PITPNM2: variants seen among roughly 807,000 people sequenced by gnomAD.
PITPNM2 encodes membrane-associated phosphatidylinositol transfer protein 2.
A neutral mutation model predicts 132.2 loss-of-function variants in PITPNM2; 35 were observed. The observed-to-expected ratio is 0.26, with a 90% CI of 0.20 to 0.35. The LOEUF (loss-of-function observed/expected upper bound fraction) is 0.35. PITPNM2 is among the 10% of genes least tolerant of loss of function. The pLI is 1.00. For synonymous variants in PITPNM2, 738 were observed against 799.2 expected (o/e 0.92, Z 1.29); for missense variants, 1,332 against 1,912.0 (o/e 0.70, Z 5.66).
intron 2 of PITPNM2, among the ~76,000 whole-genome samples, chr12:123,040,910 G>T: frequency 6.6e-6 from 1 of 152,152 alleles, no homozygotes; most frequent in East Asian, 1.9e-4. Flanking sequence ...TGGAATAAAC[G>T]TTGACTGAAT....
At chr12:123,079,689 A>G (rs1185939437) in intron 2 of PITPNM2, among the ~76,000 whole-genome samples, 1 of 152,194 alleles carries the variant, frequency 6.6e-6, no homozygotes, top group Non-Finnish European at 1.5e-5. Context: ...AGCATATGGC[A>G]AAGTTGAAAA....
intron 1 of PITPNM2, among the ~76,000 whole-genome samples, chr12:123,140,912 A>G (rs2043492828): frequency 6.6e-6 from 1 of 152,068 alleles, no homozygotes; most frequent in Non-Finnish European, 1.5e-5. Context: ...AGGAAAAGCT[A>G]CAGAACAAAC....
At chr12:123,032,786 C>CCT (rs2040138605) in intron 3 of PITPNM2, among the ~76,000 whole-genome samples, 1 of 152,196 alleles carries the variant, frequency 6.6e-6, no homozygotes, top group Admixed American at 6.5e-5. Context: ...TAAGCTGCTT[C>CCT]CTCTCTCTCC....
rs1481867414 is a variant in PITPNM2 at position 122,992,464 on chromosome 12, T to TC, written c.2404+34dup. ...CCAGGGAGCCACGCTTACCCCACCT[T>TC]CCCCCAGAGGAGTGGGGCGGAATGT... On this transcript the variant is annotated intron_variant, in intron 16 of 25. Coordinates refer to ENST00000320201, the MANE Select transcript of PITPNM2 (RefSeq NM_020845.3). This position sits in a 1 kb window ranked among gnomAD's most constrained non-coding sequence, Gnocchi z 6.5. 6.3e-7 allele frequency: 1 copy of TC among 1,575,796 alleles called. No individual in the cohort carries two copies. The highest frequency in any genetic ancestry group is 8.6e-7 in the Non-Finnish European group (1 of 1,161,486).
chr12:123,052,643 A>G (rs1033002649), intron 2 of PITPNM2, among the ~76,000 whole-genome samples: 4 of 152,146 alleles, frequency 2.6e-5, no homozygotes, highest in African/African-American at 9.7e-5. Flanking sequence ...ATAAAATAAA[A>G]TTTTAAAACA....
At chr12:123,045,607 T>G (rs1445667998) in intron 2 of PITPNM2, among the ~76,000 whole-genome samples, 1 of 152,228 alleles carries the variant, frequency 6.6e-6, no homozygotes, top group African/African-American at 2.4e-5. Context: ...AAACTTCCAC[T>G]TGGAGCCCAC....
intron 3 of PITPNM2, among the ~76,000 whole-genome samples, chr12:123,019,318 C>T (rs1592948635): frequency 6.6e-6 from 1 of 152,196 alleles, no homozygotes; most frequent in Admixed American, 6.5e-5. Flanking sequence ...GCTGGTTACA[C>T]AGGCATATTC....
At position 123,022,634 on chromosome 12, in the gene PITPNM2, A is replaced by G. The variant is rs1384057905; in HGVS notation, c.79-8592T>C. ...GGATCATGCTCCCCACTCCACAAGT[A>G]AGAAACTGAGGCACAGAGTACTGGA... On this transcript the variant is annotated intron_variant, in intron 3 of 25. Coordinates refer to ENST00000320201, the MANE Select transcript of PITPNM2 (RefSeq NM_020845.3). This position sits in a 1 kb window ranked among gnomAD's most constrained non-coding sequence, Gnocchi z 4.9. Among the ~76,000 whole-genome samples the G allele has an allele frequency of 6.6e-6, 1 of 152,206 alleles. No homozygotes were observed. The highest frequency in any genetic ancestry group is 2.4e-5 in the African/African-American group (1 of 41,434).
At chr12:123,104,481 T>C (rs540257331) in intron 2 of PITPNM2, among the ~76,000 whole-genome samples, 152 of 152,308 alleles carry the variant, frequency 1.0e-3, no homozygotes, top group African/African-American at 3.5e-3. Flanking sequence ...ACTGATGACA[T>C]TCCACCACAA....
chr12:122,991,278 A>G (rs1386902505), intron 16 of PITPNM2, among the ~76,000 whole-genome samples: 1 of 152,222 alleles, frequency 6.6e-6, no homozygotes, highest in Non-Finnish European at 1.5e-5. Flanking sequence ...GCGCAGGCTG[A>G]AGACAGGACA....
intron 1 of PITPNM2, among the ~76,000 whole-genome samples, chr12:123,146,177 A>G (rs537765096): frequency 1.3e-5 from 2 of 152,244 alleles, no homozygotes; most frequent in Non-Finnish European, 1.5e-5. Context: ...GGGAGGAGGG[A>G]GAGGATCAGG....
chr12:123,094,463 G>T (rs1405718788), intron 2 of PITPNM2, among the ~76,000 whole-genome samples: 1 of 152,198 alleles, frequency 6.6e-6, no homozygotes, highest in East Asian at 1.9e-4. Context: ...CTTGTCCTCC[G>T]GCGCATCAGG....
intron 2 of PITPNM2, among the ~76,000 whole-genome samples, chr12:123,107,570 T>C (rs564369897): frequency 3.3e-5 from 5 of 152,296 alleles, no homozygotes; most frequent in African/African-American, 4.8e-5. Context: ...CAGTCCCTTG[T>C]GGAGGAGAGA....
At chr12:123,074,146 T>G (rs1443581602) in intron 2 of PITPNM2, among the ~76,000 whole-genome samples, 3 of 152,228 alleles carry the variant, frequency 2.0e-5, no homozygotes, top group African/African-American at 7.2e-5. Context: ...ACAGGCAGGC[T>G]ACTCAACCCT....
At position 122,996,473 on chromosome 12, in the gene PITPNM2, G is replaced by A. The variant is rs138961028; in HGVS notation, c.1767C>T (p.Ser589=). 5.0e-5 allele frequency: 81 copies of A among 1,613,106 alleles called. No homozygotes were observed. The African/African-American group carries it at 9.2e-4, about 18-fold the overall frequency. The change falls in exon 13 of 26, where the codon AGC becomes AGT. Residue 589 remains serine, a synonymous_variant. Transcript: ENST00000320201. The part of the protein sequence containing the change: ...SESQSSSRRG[S]VVSMQDNDLL... ...ACTTGGGTACCTGCATGCTGACCAC[G>A]CTGCCCCGGCGGCTGCTGCTCTGAC...
intron 2 of PITPNM2, among the ~76,000 whole-genome samples, chr12:123,060,598 C>T (rs1303884208): frequency 6.6e-6 from 1 of 152,232 alleles, no homozygotes; most frequent in Non-Finnish European, 1.5e-5. Context: ...CACAAATAAA[C>T]AAGCGATTCT....
At chr12:122,990,732 G>GCAT (rs758271019) in intron 16 of PITPNM2, 23 bp from the exon 17 acceptor site, 1 of 1,583,176 alleles carries the variant, frequency 6.3e-7, no homozygotes, top group Non-Finnish European at 8.6e-7. Flanking sequence ...AGGGACCAGA[G>GCAT]GCCAGGTAAG....
At chr12:123,027,705 C>A (rs967201546) in intron 3 of PITPNM2, among the ~76,000 whole-genome samples, 2 of 152,186 alleles carry the variant, frequency 1.3e-5, no homozygotes, top group Non-Finnish European at 2.9e-5. Flanking sequence ...CAGACGGGAC[C>A]CCCTGTATAG....
chr12:123,032,227 C>T (rs1388134129), intron 3 of PITPNM2, among the ~76,000 whole-genome samples: 1 of 152,220 alleles, frequency 6.6e-6, no homozygotes, highest in African/African-American at 2.4e-5. Context: ...GCCTGTAATC[C>T]CAGCACTTTG....
Sources: gnomAD v4.1 joint callset for allele counts (sites outside exome capture counted in the v4.1 genomes callset) on GRCh38, gnomAD v4.1.1 for gene constraint, Gnocchi (gnomAD v3.1) non-coding constraint, MANE v1.5 for transcripts, NCBI Gene and HGNC (gene_info 2026-07-23, HGNC 2026-07-21) for gene names.